AFF2: variants seen among roughly 807,000 people sequenced by gnomAD.
AFF2 encodes the protein ALF transcription elongation factor 2, also known as AF4/FMR2 family member 2.
AFF2 carries 14 observed loss-of-function variants against 76.9 expected under a neutral mutation model. The observed-to-expected ratio is 0.18, with a 90% CI of 0.12 to 0.28. AFF2 has a LOEUF of 0.28. Among genes scored for constraint, AFF2 ranks in the 10% least tolerant of loss-of-function variants. AFF2 has a pLI of 1.00. For synonymous variants in AFF2, 398 were observed against 366.7 expected, an observed-to-expected ratio of 1.09 and a Z score of -0.98; for missense variants, 868 against 1,001.1, an observed-to-expected ratio of 0.87 and a Z score of 1.79.
chrX:148,617,755 G>A (rs950733974), intron 1 of AFF2, among the ~76,000 whole-genome samples: 31 of 112,402 alleles, frequency 2.8e-4, no homozygotes, highest in African/African-American at 8.1e-4. Context: ...TAGAATCAGC[G>A]TGTAAGAAGC....
At chrX:148,896,963 C>T (rs1156420414) in intron 8 of AFF2, among the ~76,000 whole-genome samples, 20 of 107,193 alleles carry the variant, frequency 1.9e-4, no homozygotes, top group African/African-American at 6.8e-4. Context: ...GAAAGTAACT[C>T]CCTAGCTTCC....
chrX:148,526,639 C>T (rs1036677393), intron 1 of AFF2, among the ~76,000 whole-genome samples: 2 of 110,755 alleles, frequency 1.8e-5, no homozygotes, highest in Non-Finnish European at 3.8e-5. Context: ...CCTTTACTAC[C>T]GGAGTGCCAT....
At chrX:148,632,319 A>G (rs1490596348) in intron 1 of AFF2, among the ~76,000 whole-genome samples, 1 of 111,625 alleles carries the variant, frequency 9.0e-6, no homozygotes, top group Non-Finnish European at 1.9e-5. Context: ...TTAAATTTTA[A>G]TATTTACACA....
At chrX:148,929,837 A>G (rs1557284183) in intron 9 of AFF2, among the ~76,000 whole-genome samples, 1 of 112,026 alleles carries the variant, frequency 8.9e-6, no homozygotes, top group Non-Finnish European at 1.9e-5. Flanking sequence ...ATCCTACAAA[A>G]TGAGTCACAC....
chrX:148,736,107 A>G (rs895026429), intron 3 of AFF2, among the ~76,000 whole-genome samples: 8 of 111,767 alleles, frequency 7.2e-5, no homozygotes, highest in Non-Finnish European at 1.5e-4. Flanking sequence ...TCCTATAATG[A>G]TCTGTTTTCC....
chrX:148,906,542 A>G (rs1557281454), intron 9 of AFF2, among the ~76,000 whole-genome samples: 2 of 112,141 alleles, frequency 1.8e-5, no homozygotes, highest in South Asian at 7.5e-4. Flanking sequence ...TAAAATACCA[A>G]TTAGGCTAAA....
At chrX:148,941,772 T>G (rs782751831) in intron 9 of AFF2, among the ~76,000 whole-genome samples, 1 of 111,862 alleles carries the variant, frequency 8.9e-6, no homozygotes, top group African/African-American at 3.2e-5. Context: ...CCTATTTGCC[T>G]GATTATTTTC....
intron 9 of AFF2, among the ~76,000 whole-genome samples, chrX:148,905,531 G>C (rs2071398901): frequency 8.9e-6 from 1 of 112,299 alleles, no homozygotes; most frequent in African/African-American, 3.2e-5. Context: ...AATGAGGCCA[G>C]GGTCAGGGCT....
At chrX:148,974,650 T>G (rs782475665) in intron 16 of AFF2, among the ~76,000 whole-genome samples, 1 of 112,144 alleles carries the variant, frequency 8.9e-6, no homozygotes, top group East Asian at 2.8e-4. Flanking sequence ...GCAACTCTGC[T>G]CACATAGAAT....
chrX:148,904,395 G>A, intron 9 of AFF2, 137 bp downstream of exon 9: 1 of 436,560 alleles, frequency 2.3e-6, no homozygotes, highest in South Asian at 3.8e-5. Flanking sequence ...AACAAAACAA[G>A]CCAAAAAAAT....
At chrX:148,898,963 C>A (rs782465086) in intron 8 of AFF2, among the ~76,000 whole-genome samples, 2 of 112,030 alleles carry the variant, frequency 1.8e-5, no homozygotes, top group Non-Finnish European at 3.8e-5. Context: ...GCCCAGTGAT[C>A]TAAAGATAGG....
At chrX:148,973,318 CT>C (rs1317167056) in intron 15 of AFF2, among the ~76,000 whole-genome samples, 152 bp from the exon 16 acceptor site, 1 of 112,075 alleles carries the variant, frequency 8.9e-6, no homozygotes, top group Non-Finnish European at 1.9e-5. Context: ...CAGATGCCCC[CT>C]CTCCCCAGGG....
At chrX:148,809,825 C>T (rs782347119) in intron 3 of AFF2, 51 bp from the exon 4 acceptor site, 5 of 1,146,830 alleles carry the variant, frequency 4.4e-6, no homozygotes, top group Admixed American at 2.2e-5. Flanking sequence ...AACTATTATA[C>T]AAGAAGAAGA....
chrX:148,760,281 C>T (rs1402886923), intron 3 of AFF2, among the ~76,000 whole-genome samples: 1 of 111,653 alleles, frequency 9.0e-6, no homozygotes, highest in Non-Finnish European at 1.9e-5. Context: ...AGTGACACAC[C>T]TCCTGAAAGC....
intron 9 of AFF2, among the ~76,000 whole-genome samples, chrX:148,943,261 T>G (rs1557285804): frequency 8.9e-6 from 1 of 112,694 alleles, no homozygotes; most frequent in African/African-American, 3.2e-5. Context: ...GGAAACTATA[T>G]GACTTTTATT....
At chrX:148,531,357 T>C (rs1160579183) in intron 1 of AFF2, among the ~76,000 whole-genome samples, 1 of 112,166 alleles carries the variant, frequency 8.9e-6, no homozygotes, top group East Asian at 2.8e-4. Flanking sequence ...GTTGGAAAAA[T>C]GTGGCTTGTT....
chrX:148,849,411 T>C, intron 7 of AFF2, among the ~76,000 whole-genome samples: 1 of 86,884 alleles, frequency 1.2e-5, no homozygotes, highest in African/African-American at 4.9e-5. Flanking sequence ...TCTCTCCTTC[T>C]CTCTTTTCTG....
intron 1 of AFF2, among the ~76,000 whole-genome samples, chrX:148,516,558 A>T (rs1557233827): frequency 1.8e-5 from 2 of 111,935 alleles, no homozygotes; most frequent in Non-Finnish European, 3.8e-5. Context: ...GAGTTGAGCA[A>T]CTACTGCACG....
chrX:148,782,204 A>C (rs1194808232), intron 3 of AFF2, among the ~76,000 whole-genome samples: 1 of 111,889 alleles, frequency 8.9e-6, no homozygotes, highest in African/African-American at 3.3e-5. Flanking sequence ...GTTAATGTTC[A>C]CAGATTCCAG....
Sources: gnomAD v4.1 joint callset for allele counts (sites outside exome capture counted in the v4.1 genomes callset) on GRCh38, gnomAD v4.1.1 for gene constraint, MANE v1.5 for transcripts, NCBI Gene and HGNC (gene_info 2026-07-23, HGNC 2026-07-21) for gene names.